KIF1A: variants seen among roughly 807,000 people sequenced by gnomAD.
KIF1A encodes kinesin family member 1A, also known as kinesin-like protein KIF1A.
KIF1A carries 46 observed loss-of-function variants against 227.3 expected under a neutral mutation model. That is an observed-to-expected ratio of 0.20 (90% confidence interval 0.16 to 0.26). The LOEUF is 0.26. KIF1A is among the 10% of genes least tolerant of loss of function. KIF1A has a pLI of 1.00. For synonymous variants in KIF1A, 1,022 were observed against 1,012.8 expected, an observed-to-expected ratio of 1.01 and a Z score of -0.17; for missense variants, 1,683 against 2,485.9, an observed-to-expected ratio of 0.68 and a Z score of 6.87.
chr2:240,752,184 A>G lies in KIF1A; in HGVS notation c.2859-1637T>C, dbSNP rs1290514281. Among the ~76,000 whole-genome samples the G allele has an allele frequency of 1.3e-5, 2 of 151,136 alleles. No individual in the cohort carries two copies. Among genetic ancestry groups the G allele is most frequent in the Non-Finnish European group, 1.5e-5 (1 of 67,810 alleles). Reference sequence around the variant, plus strand: ...TGAAGATGCCCCCCGAGAAGCGAGTACCCCACACCAATGGAGCCCATCAGG... The same window carrying G: ...TGAAGATGCCCCCCGAGAAGCGAGTGCCCCACACCAATGGAGCCCATCAGG... On this transcript the variant is annotated intron_variant, in intron 27 of 48. Coordinates refer to ENST00000498729, the MANE Select transcript of KIF1A (RefSeq NM_001244008.2). This position sits in a 1 kb window ranked among gnomAD's most constrained non-coding sequence, Gnocchi z 6.4.
At position 240,792,780 on chromosome 2, in the gene KIF1A, G is replaced by A. The variant is rs1464094074; in HGVS notation, c.107-3468C>T. Among the ~76,000 whole-genome samples, 2 of 152,122 alleles carry A rather than the reference G, an allele frequency of 1.3e-5. No individual in the cohort carries two copies. Among genetic ancestry groups the A allele is most frequent in the African/African-American group, 4.8e-5 (2 of 41,418 alleles). ...AGTGATGAGGATGAGACGAAGCCAC[G>A]AAGTCAGGGACCTCATGGTGGGATG... is the stretch of plus-strand genomic sequence containing the variant. On this transcript the variant is annotated intron_variant, in intron 2 of 48. Transcript: ENST00000498729. This position sits in a 1 kb window ranked among gnomAD's most constrained non-coding sequence, Gnocchi z 4.5.
chr2:240,720,986 C>T lies in KIF1A; in HGVS notation c.4796G>A (p.Gly1599Glu). ...LLRDPSMSPL[G>E]VATLTPSSTC... ...GGAGGAGGGGGTGAGAGTGGCCACC[C>T]CTAGAGGGGACATCGACGGGTCCCG... The change falls in exon 45 of 49, where the codon GGG becomes GAG. Residue 1599 changes from glycine (G) to glutamate (E), a missense_variant. By Grantham distance (98) the Gly-to-Glu change is moderately conservative. Around this residue, in one of 12 missense-constraint regions of KIF1A, gnomAD observed 384 missense variants for 410.1 expected, o/e 0.94. Transcript: ENST00000498729. 1 of 1,609,498 alleles carries T rather than the reference C, an allele frequency of 6.2e-7. No homozygotes were observed. The highest frequency in any genetic ancestry group is 8.5e-7 in the Non-Finnish European group (1 of 1,178,544).
At position 240,782,180 on chromosome 2, in the gene KIF1A, CCT is replaced by C. The variant is rs2054131425; in HGVS notation, c.882+408_882+409del. The C allele has an allele frequency of 4.1e-6, 4 of 985,284 alleles. No individual in the cohort carries two copies. The African/African-American group carries it at 5.2e-5, about 13-fold the overall frequency. 61.0% of individuals were successfully genotyped at this position (985,284 alleles called of 1,614,324 possible). A position where few individuals can be genotyped will look rare whatever the true frequency, so the allele number is the denominator to read the frequency against. On this transcript the variant is annotated intron_variant, in intron 10 of 48. Coordinates refer to ENST00000498729, the MANE Select transcript of KIF1A (RefSeq NM_001244008.2). ...CCGACTCCACACGCGCCCGCCTCCCCCTGTGGCCCCGTCACGCCTACGGCTGC... is the reference window on the plus strand; with the variant it reads ...CCGACTCCACACGCGCCCGCCTCCCCGTGGCCCCGTCACGCCTACGGCTGC...
intron 11 of KIF1A, among the ~76,000 whole-genome samples, chr2:240,774,685 T>C (rs2052519928): frequency 6.6e-6 from 1 of 152,148 alleles, no homozygotes; most frequent in Admixed American, 6.5e-5. Flanking sequence ...TAACATCAGA[T>C]TCCTGGCCCA....
rs959101088 is a variant in KIF1A at position 240,783,179 on chromosome 2, C to T, written c.799-70G>A. The T allele has an allele frequency of 1.7e-5, 20 of 1,181,228 alleles. No homozygotes were observed. The Admixed American group carries it at 3.0e-4, about 18-fold the overall frequency. The allele number at this position is 1,181,228 out of a possible 1,614,324, so 73.2% of individuals were successfully genotyped here. On this transcript the variant is annotated intron_variant, in intron 8 of 48. Transcript: ENST00000498729. ...GGGGCCTCCTGCTCTGGAGGGATGC[C>T]CTGGGTGGACCTGTGCAGTGTGGAG...
chr2:240,808,789 G>A (rs761427114), intron 1 of KIF1A, among the ~76,000 whole-genome samples: 2 of 151,756 alleles, frequency 1.3e-5, no homozygotes, highest in African/African-American at 2.4e-5. Flanking sequence ...GGAGTGCAAC[G>A]GTGCGATCTT....
At chr2:240,718,257 A>G in intron 47 of KIF1A, 89 bp from the exon 48 acceptor site, 1 of 906,534 alleles carries the variant, frequency 1.1e-6, no homozygotes, top group African/African-American at 1.6e-5. Context: ...CAGGCAGGGG[A>G]GGGGCACTGC....
upstream of KIF1A, among the ~76,000 whole-genome samples, chr2:240,820,908 G>A (rs991345404): frequency 5.3e-5 from 8 of 149,986 alleles, no homozygotes; most frequent in African/African-American, 2.0e-4. The surrounding 1 kb of genome is among the most constrained non-coding windows in gnomAD (Gnocchi z 6.2). Context: ...GGCCCCCATT[G>A]TCCTCACCCC....
In KIF1A at chr2:240,721,180, T is replaced by C. The variant is rs2045330483; in HGVS notation, c.4744-142A>G. ...TCCTACCAGCAGCCTTGGCTCAAAGTTGGCCAGCTCAAGACCCCCGGCCCC... is the reference window on the plus strand; with the variant it reads ...TCCTACCAGCAGCCTTGGCTCAAAGCTGGCCAGCTCAAGACCCCCGGCCCC... On this transcript the variant is annotated intron_variant, in intron 44 of 48. Coordinates refer to ENST00000498729, the MANE Select transcript of KIF1A (RefSeq NM_001244008.2). 6 of 1,152,860 alleles carry C rather than the reference T, an allele frequency of 5.2e-6. No individual in the cohort carries two copies. In the Admixed American group the frequency reaches 1.1e-4, roughly 20 times the overall value. The allele number at this position is 1,152,860 out of a possible 1,614,324, so 71.4% of individuals were successfully genotyped here. A position where few individuals can be genotyped will look rare whatever the true frequency, so the allele number is the denominator to read the frequency against.
chr2:240,748,329 C>T (rs141963165), intron 28 of KIF1A, among the ~76,000 whole-genome samples: 2,765 of 152,250 alleles, frequency 0.018, 29 homozygotes, highest in Middle Eastern at 0.031. Flanking sequence ...AGCTTGAACT[C>T]GGATCCTGGG....
intron 43 of KIF1A, among the ~76,000 whole-genome samples, 194 bp from the exon 44 acceptor site, chr2:240,722,078 C>T (rs893848267): frequency 6.6e-6 from 1 of 152,194 alleles, no homozygotes; most frequent in African/African-American, 2.4e-5. Context: ...CAGGGTCAGG[C>T]ACCGGCTGAG....
intron 1 of KIF1A, among the ~76,000 whole-genome samples, chr2:240,813,308 C>T (rs1478658979): frequency 1.3e-5 from 2 of 152,254 alleles, no homozygotes; most frequent in Non-Finnish European, 2.9e-5. Context: ...GCCCACCACA[C>T]AGCCCCCAAC....
At chr2:240,756,092 C>T (rs927141213) in intron 27 of KIF1A, among the ~76,000 whole-genome samples, 5 of 152,110 alleles carry the variant, frequency 3.3e-5, no homozygotes, top group Non-Finnish European at 7.4e-5. Context: ...TGCTGTCTTC[C>T]AAGAGGGAGG....
chr2:240,760,982 CA>C (rs2050448984), intron 24 of KIF1A, 139 bp from the exon 25 acceptor site: 3 of 944,298 alleles, frequency 3.2e-6, no homozygotes, highest in East Asian at 5.6e-5. Flanking sequence ...AGACAGCCGC[CA>C]GGGGGGACCA....
At position 240,757,801 on chromosome 2, in the gene KIF1A, C is replaced by T. The variant is rs1005446926; in HGVS notation, c.2583-207G>A. ...ACATGTATGGCCAGCAGGAAGGTTC[C>T]GGAAGGTTCCGGAGGACACCTGCAG... is the stretch of plus-strand genomic sequence containing the variant. On this transcript the variant is annotated intron_variant, in intron 26 of 48. Coordinates refer to ENST00000498729, the MANE Select transcript of KIF1A (RefSeq NM_001244008.2). This position sits in a 1 kb window ranked among gnomAD's most constrained non-coding sequence, Gnocchi z 6.2. Among the ~76,000 whole-genome samples, 29 of 151,946 alleles carry T rather than the reference C, an allele frequency of 1.9e-4. No individual in the cohort carries two copies. The highest frequency in any genetic ancestry group is 3.8e-4 in the Non-Finnish European group (26 of 67,986).
At chr2:240,733,370 C>A (rs758584678) in intron 38 of KIF1A, among the ~76,000 whole-genome samples, 10 of 152,132 alleles carry the variant, frequency 6.6e-5, no homozygotes, top group Non-Finnish European at 1.5e-4. Flanking sequence ...GCCAGACTCA[C>A]TGCAGGGAGA....
At chr2:240,741,728 C>T (rs368632191) in intron 34 of KIF1A, among the ~76,000 whole-genome samples, 8 of 152,224 alleles carry the variant, frequency 5.3e-5, no homozygotes, top group Admixed American at 1.3e-4. Flanking sequence ...ACAACCCTCA[C>T]GGGGCCGCTC....
At chr2:240,729,893 G>A (rs2046414074) in intron 38 of KIF1A, among the ~76,000 whole-genome samples, 1 of 152,182 alleles carries the variant, frequency 6.6e-6, no homozygotes, top group African/African-American at 2.4e-5. Context: ...GCCGGACCAG[G>A]GTCTGACATG....
chr2:240,758,558 C>A lies in KIF1A; in HGVS notation c.2445-61G>T. On this transcript the variant is annotated intron_variant, in intron 25 of 48. Transcript: ENST00000498729. The surrounding 1 kb of genome is among the most constrained non-coding windows in gnomAD (Gnocchi z 5.2). ...CCAGCGCTCAGCAGCTGGCACCGCA[C>A]ACCCTTATCTCCTGGGGACAGTGGG... 3 of 1,462,002 alleles carry A rather than the reference C, an allele frequency of 2.1e-6. No homozygotes were observed. Among genetic ancestry groups the A allele is most frequent in the Non-Finnish European group, 1.8e-6 (2 of 1,101,036 alleles). 90.6% of individuals were successfully genotyped at this position (1,462,002 alleles called of 1,614,324 possible).
Sources: allele counts gnomAD v4.1 joint callset (sites outside exome capture counted in the v4.1 genomes callset), GRCh38; gene constraint gnomAD v4.1.1; regional missense constraint gnomAD v4.1.1; non-coding constraint Gnocchi (gnomAD v3.1); transcripts MANE v1.5; gene names NCBI Gene and HGNC (gene_info 2026-07-23, HGNC 2026-07-21).